The following CYRIB variants were observed in gnomAD, a reference collection of about 807,000 sequenced individuals.
The protein encoded by CYRIB is CYFIP-related Rac1 interactor B.
CYRIB carries 8 observed loss-of-function variants against 44.2 expected under a neutral mutation model. The ratio of observed to expected loss-of-function variants is 0.18; its 90% confidence interval spans 0.11 to 0.33. CYRIB has a LOEUF of 0.33. Ranked by LOEUF, CYRIB falls within the 10% of genes least tolerant of loss-of-function variation. CYRIB has a pLI of 1.00. For missense variants in CYRIB, 185 were observed against 382.8 expected, an observed-to-expected ratio of 0.48 and a Z score of 4.31; for synonymous variants, 131 against 127.2, an observed-to-expected ratio of 1.03 and a Z score of -0.20.
chr8:129,852,745 G>A (rs898176688), intron 7 of CYRIB, among the ~76,000 whole-genome samples: 1 of 152,172 alleles, frequency 6.6e-6, no homozygotes, highest in Admixed American at 6.5e-5. Flanking sequence ...AATCTGGCAG[G>A]GGAAAGAGTA....
chr8:130,016,935 G>A (rs2097359279), upstream of CYRIB: 1 of 152,258 alleles, frequency 6.6e-6, no homozygotes, highest in Non-Finnish European at 1.5e-5. Flanking sequence ...GTCACTGCCT[G>A]TCAGGCAGGG....
chr8:129,839,916 C>G (rs190795857), exon 12 of CYRIB: 1 of 152,128 alleles, frequency 6.6e-6, no homozygotes, highest in Admixed American at 6.5e-5. Context: ...GAAGCATTCA[C>G]TTGGCACCTC....
intron 4 of CYRIB, 104 bp downstream of exon 6, chr8:129,871,271 T>A (rs2057085538): frequency 3.0e-6 from 4 of 1,313,068 alleles, no homozygotes; most frequent in East Asian, 2.6e-5. Flanking sequence ...TCAAATATAA[T>A]ACTTAATATG....
At chr8:129,919,044 T>G (rs190953683) in intron 1 of CYRIB, among the ~76,000 whole-genome samples, 89 of 152,360 alleles carry the variant, frequency 5.8e-4, no homozygotes, top group South Asian at 2.1e-4. Context: ...TTTTACTTAT[T>G]TTTTTAAGAG....
chr8:129,967,975 A>G (rs1346965823), intron 2 of CYRIB, among the ~76,000 whole-genome samples: 6 of 152,200 alleles, frequency 3.9e-5, no homozygotes, highest in East Asian at 1.9e-4. Flanking sequence ...GTGATTTCCC[A>G]TAGTATAATA....
intron 3 of CYRIB, among the ~76,000 whole-genome samples, chr8:129,876,118 A>G (rs943235126): frequency 2.4e-4 from 36 of 151,488 alleles, no homozygotes; most frequent in Admixed American, 5.3e-4. Context: ...ATCTCAAGAA[A>G]AAAAAAAAAA....
intron 1 of CYRIB, among the ~76,000 whole-genome samples, chr8:129,992,804 A>T (rs756458393): frequency 6.6e-6 from 1 of 152,198 alleles, no homozygotes; most frequent in Non-Finnish European, 1.5e-5. Flanking sequence ...TTACAAACAG[A>T]AGAAAATATG....
chr8:129,934,643 T>A (rs1399681742), intron 1 of CYRIB, among the ~76,000 whole-genome samples: 1 of 152,138 alleles, frequency 6.6e-6, no homozygotes, highest in East Asian at 1.9e-4. Context: ...CCTTAAAGCA[T>A]GACAAAATAA....
chr8:129,892,215 C>T (rs1379121231), intron 2 of CYRIB, among the ~76,000 whole-genome samples: 1 of 152,008 alleles, frequency 6.6e-6, no homozygotes, highest in Non-Finnish European at 1.5e-5. Flanking sequence ...AGGCTCAAGG[C>T]AAGTAATACA....
chr8:130,003,127 G>A lies in CYRIB; in HGVS notation c.-296+13243C>T, dbSNP rs60936816. ...AAACTGAGGTACTCGGGAGGCTGAG[G>A]TGGGAGGATTGCTTGAACCCTGGAG... On this transcript the variant is annotated intron_variant, in intron 1 of 14. Transcript: ENST00000401979. Among the ~76,000 whole-genome samples the A allele has an allele frequency of 9.5e-4, 144 of 152,320 alleles. 6 individuals are homozygous for A. In the East Asian group the frequency reaches 0.025, roughly 26 times the overall value.
At chr8:129,897,584 CT>C (rs1189035009) in intron 2 of CYRIB, among the ~76,000 whole-genome samples, 1 of 149,524 alleles carries the variant, frequency 6.7e-6, no homozygotes, top group Non-Finnish European at 1.5e-5. Flanking sequence ...AAGACATCTC[CT>C]ATCTAGTAAT....
intron 2 of CYRIB, among the ~76,000 whole-genome samples, chr8:129,900,920 C>G (rs529274082): frequency 1.4e-4 from 21 of 152,202 alleles, no homozygotes; most frequent in African/African-American, 5.1e-4. Context: ...GTGATCCACC[C>G]ACCTCGGCCA....
At chr8:129,861,415 C>T (rs1313963093) in intron 5 of CYRIB, among the ~76,000 whole-genome samples, 1 of 152,046 alleles carries the variant, frequency 6.6e-6, no homozygotes, top group African/African-American at 2.4e-5. Context: ...CCCTAGACAA[C>T]TTTGGGTATA....
At chr8:129,880,822 C>A (rs1183647748) in intron 2 of CYRIB, among the ~76,000 whole-genome samples, 1 of 152,040 alleles carries the variant, frequency 6.6e-6, no homozygotes. Context: ...ACTATAGAAA[C>A]CATTTTTTTA....
At chr8:129,874,309 G>A (rs754503221) in intron 3 of CYRIB, among the ~76,000 whole-genome samples, 1 of 152,032 alleles carries the variant, frequency 6.6e-6, no homozygotes, top group Non-Finnish European at 1.5e-5. Context: ...TGTTCTTATT[G>A]AAGGTAAATT....
intron 1 of CYRIB, among the ~76,000 whole-genome samples, chr8:130,013,863 A>T (rs748159851): frequency 2.6e-5 from 4 of 152,208 alleles, no homozygotes; most frequent in African/African-American, 4.8e-5. Context: ...CAAAGAGCAA[A>T]GGGGAACCCA....
intron 2 of CYRIB, chr8:129,894,628 T>C (rs2989885): frequency 0.41 from 61,729 of 152,066 alleles, 13,641 homozygotes; most frequent in East Asian, 0.56. Flanking sequence ...GCAGTTGTTG[T>C]AGGAGCAGTG....
chr8:129,877,771 C>G (rs2059629717), intron 3 of CYRIB, among the ~76,000 whole-genome samples: 1 of 150,862 alleles, frequency 6.6e-6, no homozygotes, highest in Non-Finnish European at 1.5e-5. Flanking sequence ...CATTTAAATT[C>G]ATGCTTCCCA....
chr8:129,969,188 A>G (rs1374861274), intron 2 of CYRIB, among the ~76,000 whole-genome samples: 1 of 151,530 alleles, frequency 6.6e-6, no homozygotes, highest in Non-Finnish European at 1.5e-5. Context: ...TGATTTTTGT[A>G]TTTTCAGTAG....
Sources: allele counts gnomAD v4.1 joint callset (sites outside exome capture counted in the v4.1 genomes callset), GRCh38; gene constraint gnomAD v4.1.1; transcripts MANE v1.5; gene names NCBI Gene and HGNC (gene_info 2026-07-23, HGNC 2026-07-21).